Variants in ESR1 observed in about 807,000 individuals in gnomAD.
ESR1 encodes estrogen receptor 1.
In ESR1, 12 loss-of-function variants were observed where a neutral mutation model predicts 52.7. That is an observed-to-expected ratio of 0.23 (90% CI 0.15 to 0.37). The LOEUF is 0.37. Among genes scored for constraint, ESR1 ranks in the 10% least tolerant of loss-of-function variants. ESR1 has a pLI of 1.00. For missense variants in ESR1, 584 were observed against 779.7 expected, an observed-to-expected ratio of 0.75 and a Z score of 2.99; for synonymous variants, 305 against 316.8, an observed-to-expected ratio of 0.96 and a Z score of 0.39.
At chr6:152,111,903 C>G (rs773299604) in intron 6 of ESR1, among the ~76,000 whole-genome samples, 1 of 152,248 alleles carries the variant, frequency 6.6e-6, no homozygotes, top group African/African-American at 2.4e-5. Flanking sequence ...TCCCTAAGAA[C>G]GGATTACAAA....
intron 3 of ESR1, among the ~76,000 whole-genome samples, chr6:151,882,906 T>A (rs1793184985): frequency 6.6e-6 from 1 of 152,172 alleles, no homozygotes; most frequent in Non-Finnish European, 1.5e-5. Flanking sequence ...ATCTAGATAA[T>A]TTGACTGTAC....
chr6:151,884,128 A>G (rs1314017019), intron 3 of ESR1, among the ~76,000 whole-genome samples: 2 of 152,336 alleles, frequency 1.3e-5, no homozygotes, highest in South Asian at 2.1e-4. Context: ...TTATATGTAC[A>G]TAAGTTTTAA....
intron 2 of ESR1, among the ~76,000 whole-genome samples, chr6:151,754,466 C>T (rs1284199316): frequency 6.6e-6 from 1 of 152,000 alleles, no homozygotes; most frequent in East Asian, 1.9e-4. Context: ...TTTAGCTAAA[C>T]CTTGATTGAT....
chr6:151,900,118 T>G (rs1228281290), intron 3 of ESR1, among the ~76,000 whole-genome samples: 1 of 152,226 alleles, frequency 6.6e-6, no homozygotes, highest in Non-Finnish European at 1.5e-5. Context: ...GAGCACTGAG[T>G]GCGGTTTTGT....
At chr6:151,750,665 C>T (rs1477465970) in intron 2 of ESR1, among the ~76,000 whole-genome samples, 1 of 152,126 alleles carries the variant, frequency 6.6e-6, no homozygotes, top group Non-Finnish European at 1.5e-5. Flanking sequence ...TTCTCGAATG[C>T]TAACAGTAAA....
chr6:151,678,489 G>T (rs1293937), intron 1 of ESR1, among the ~76,000 whole-genome samples: 41,235 of 150,138 alleles, frequency 0.27, 6,225 homozygotes, highest in East Asian at 0.41. Flanking sequence ...AAAAAAAAAA[G>T]TTGATGCCTG....
At chr6:151,822,398 G>C (rs1193582334) in intron 1 of ESR1, among the ~76,000 whole-genome samples, 1 of 152,144 alleles carries the variant, frequency 6.6e-6, no homozygotes, top group Non-Finnish European at 1.5e-5. Context: ...AACAAAATGA[G>C]TTCCTCTAAG....
chr6:152,013,995 C>T (rs1413283896), intron 5 of ESR1, among the ~76,000 whole-genome samples: 3 of 152,056 alleles, frequency 2.0e-5, no homozygotes, highest in Non-Finnish European at 4.4e-5. Flanking sequence ...GTAACTGAAA[C>T]ATAAGCAAAG....
Position 152,101,054 on chromosome 6 carries a change from A to G in ESR1, c.*2088A>G, listed in dbSNP as rs1338965379. The G allele has an allele frequency of 1.2e-5, 2 of 168,782 alleles. No individual in the cohort carries two copies. The highest frequency in any genetic ancestry group is 3.4e-5 in the African/African-American group (1 of 29,656). 10.5% of individuals were successfully genotyped at this position (168,782 alleles called of 1,614,324 possible). A position where few individuals can be genotyped will look rare whatever the true frequency, so the allele number is the denominator to read the frequency against. On this transcript the variant is annotated 3_prime_UTR_variant, in exon 8 of 8. Transcript: ENST00000206249. ...ATTTAGTTTTTTTTTTTTTTTTTGTATACTTTTCAAGCTACCTTGTCATGT... is the reference window on the plus strand; with the variant it reads ...ATTTAGTTTTTTTTTTTTTTTTTGTGTACTTTTCAAGCTACCTTGTCATGT...
At chr6:151,697,030 T>C (rs1779401746) in intron 1 of ESR1, among the ~76,000 whole-genome samples, 2 of 152,030 alleles carry the variant, frequency 1.3e-5, no homozygotes, top group Admixed American at 1.3e-4. Context: ...AAGGTGGTGG[T>C]AGGAGGTAAT....
At position 151,777,757 on chromosome 6, in the gene ESR1, C is replaced by T. The variant is rs139532018; in HGVS notation, c.-70-30086C>T. 2.0e-3 allele frequency among the ~76,000 whole-genome samples: 306 copies of T among 152,030 alleles called. 1 individual carries two copies. Among genetic ancestry groups the T allele is most frequent in the African/African-American group, 7.0e-3 (291 of 41,484 alleles). On this transcript the variant is annotated intron_variant, in intron 2 of 2. Coordinates refer to the ESR1 transcript ENST00000404742. ...GTTGGATCACCTGAGGTCAGGAGTTCGAGACCAGCGTGGCCAACATGGGGA... is the reference window on the plus strand; with the variant it reads ...GTTGGATCACCTGAGGTCAGGAGTTTGAGACCAGCGTGGCCAACATGGGGA...
intron 4 of ESR1, among the ~76,000 whole-genome samples, chr6:151,993,683 A>G (rs2041230800): frequency 6.6e-6 from 1 of 152,138 alleles, no homozygotes; most frequent in Non-Finnish European, 1.5e-5. Context: ...TTATTAACCA[A>G]TATCTCAACA....
At chr6:151,950,023 C>G (rs1234039400) in intron 4 of ESR1, among the ~76,000 whole-genome samples, 1 of 152,130 alleles carries the variant, frequency 6.6e-6, no homozygotes, top group Non-Finnish European at 1.5e-5. Context: ...TTCCCATGTT[C>G]CTGTGATAGT....
intron 6 of ESR1, among the ~76,000 whole-genome samples, chr6:152,084,945 A>T (rs1358954988): frequency 1.3e-5 from 2 of 152,204 alleles, no homozygotes; most frequent in Non-Finnish European, 2.9e-5. Flanking sequence ...TTAACTTCAC[A>T]CTATAGCTGA....
intron 6 of ESR1, among the ~76,000 whole-genome samples, chr6:152,110,725 C>T (rs2051122562): frequency 1.3e-5 from 2 of 152,146 alleles, no homozygotes; most frequent in South Asian, 4.1e-4. Context: ...TTCACATTTT[C>T]TGAGGAGAAA....
At chr6:152,062,789 T>A (rs1304631660) in intron 6 of ESR1, among the ~76,000 whole-genome samples, 4 of 152,154 alleles carry the variant, frequency 2.6e-5, no homozygotes, top group Admixed American at 6.5e-5. Context: ...GAACTTTTAC[T>A]GAGAAAAAGT....
intron 2 of ESR1, among the ~76,000 whole-genome samples, chr6:151,731,353 C>G (rs1382686306): frequency 1.3e-5 from 2 of 150,330 alleles, no homozygotes; most frequent in African/African-American, 4.9e-5. Context: ...GAGACTCCAT[C>G]TCTCAAGAAA....
At position 151,823,213 on chromosome 6, in the gene ESR1, G is replaced by C. The variant is rs180858212; in HGVS notation, c.452+14849G>C. Among the ~76,000 whole-genome samples the C allele has an allele frequency of 2.0e-5, 3 of 152,258 alleles. No individual in the cohort carries two copies. In the East Asian group the frequency reaches 5.8e-4, roughly 29 times the overall value. On this transcript the variant is annotated intron_variant, in intron 1 of 7. Coordinates refer to ENST00000206249, the MANE Select transcript of ESR1 (RefSeq NM_000125.4). ...GCCATGCTGCCTTTCTGCTTAATGGGCTTAATTTTTTGAAGGCTGGAGGTT... is the reference window on the plus strand; with the variant it reads ...GCCATGCTGCCTTTCTGCTTAATGGCCTTAATTTTTTGAAGGCTGGAGGTT...
At chr6:151,887,415 A>G (rs527517479) in intron 3 of ESR1, among the ~76,000 whole-genome samples, 51 of 152,216 alleles carry the variant, frequency 3.4e-4, no homozygotes, top group African/African-American at 1.2e-3. Context: ...GAATCAAGTA[A>G]GTGAATCACA....
Sources: gnomAD v4.1 joint callset for allele counts (sites outside exome capture counted in the v4.1 genomes callset) on GRCh38, gnomAD v4.1.1 for gene constraint, MANE v1.5 for transcripts, NCBI Gene and HGNC (gene_info 2026-07-23, HGNC 2026-07-21) for gene names.